GPAT4: variants seen among roughly 807,000 people sequenced by gnomAD.
The protein encoded by GPAT4 is glycerol-3-phosphate acyltransferase 4.
Under a neutral mutation model 58.0 loss-of-function variants are expected in GPAT4, and 17 were observed. That is an observed-to-expected ratio of 0.29 (90% CI 0.20 to 0.44). The LOEUF is 0.44. Among genes scored for constraint, GPAT4 ranks in the 20% least tolerant of loss-of-function variants. The probability of loss-of-function intolerance (pLI) is 1.00; values close to 1 mark genes in which losing one functional copy is unlikely to be tolerated. For synonymous variants in GPAT4, 204 were observed against 210.1 expected, an observed-to-expected ratio of 0.97 and a Z score of 0.25; for missense variants, 377 against 574.5, an observed-to-expected ratio of 0.66 and a Z score of 3.51.
chr8:41,617,205 T>A (rs1803620762), intron 10 of GPAT4, among the ~76,000 whole-genome samples: 1 of 151,948 alleles, frequency 6.6e-6, no homozygotes, highest in African/African-American at 2.4e-5. Flanking sequence ...CTACTAAAAA[T>A]ACAAAAAAAT....
At chr8:41,586,394 G>T (rs1016458437) in intron 1 of GPAT4, among the ~76,000 whole-genome samples, 16 of 152,046 alleles carry the variant, frequency 1.1e-4, no homozygotes, top group African/African-American at 7.2e-5. Flanking sequence ...CAATTTTTTT[G>T]GTGTAGACAG....
At chr8:41,596,996 A>G (rs1357203220) in intron 1 of GPAT4, among the ~76,000 whole-genome samples, 1 of 152,216 alleles carries the variant, frequency 6.6e-6, no homozygotes. Flanking sequence ...ACCGGTAATC[A>G]GAATGGAACA....
chr8:41,607,387 A>G (rs2150499063), intron 2 of GPAT4, among the ~76,000 whole-genome samples: 1 of 152,310 alleles, frequency 6.6e-6, no homozygotes, highest in East Asian at 1.9e-4. Context: ...TCCCTTTCCC[A>G]TGATCACAGA....
At chr8:41,604,433 G>C (rs970332652) in intron 2 of GPAT4, among the ~76,000 whole-genome samples, 1 of 152,220 alleles carries the variant, frequency 6.6e-6, no homozygotes, top group Non-Finnish European at 1.5e-5. Flanking sequence ...TCCTGTTCAT[G>C]CTGAGTCACA....
chr8:41,579,664 C>A (rs962256374), intron 1 of GPAT4, among the ~76,000 whole-genome samples: 3 of 152,000 alleles, frequency 2.0e-5, no homozygotes, highest in Non-Finnish European at 4.4e-5. Flanking sequence ...ATGGTGAAAC[C>A]CTGCATATAC....
chr8:41,600,031 C>CTTTTTTTTTTTTTTTTTT (rs1563273268), intron 2 of GPAT4, among the ~76,000 whole-genome samples: 1 of 75,446 alleles, frequency 1.3e-5, no homozygotes, highest in African/African-American at 5.6e-5. Flanking sequence ...TTATCTTTTT[C>CTTTTTTTTTTTTTTTTTT]TTTTCTTTTT....
In GPAT4 at chr8:41,623,200, AC is replaced by A. The variant is rs1803807781; in HGVS notation, c.*2201del. The A allele has an allele frequency of 6.6e-6, 1 of 150,736 alleles. No homozygotes were observed. The highest frequency in any genetic ancestry group is 2.5e-5 in the African/African-American group (1 of 40,806). 9.3% of individuals were successfully genotyped at this position (150,736 alleles called of 1,614,324 possible). A position where few individuals can be genotyped will look rare whatever the true frequency, so the allele number is the denominator to read the frequency against. On this transcript the variant is annotated 3_prime_UTR_variant, in exon 13 of 13. Transcript: ENST00000396987. ...ACTGATTCACGCCTGCAGAAACGTA[AC>A]CTCCCCTTTCCGTGTATGCCTTTTA...
chr8:41,590,540 C>T (rs1802762644), intron 1 of GPAT4, among the ~76,000 whole-genome samples: 1 of 152,148 alleles, frequency 6.6e-6, no homozygotes, highest in Admixed American at 6.5e-5. Flanking sequence ...GTGTCCTCAC[C>T]TGTAGATCAG....
intron 1 of GPAT4, among the ~76,000 whole-genome samples, chr8:41,583,082 C>A (rs769665068): frequency 6.6e-6 from 1 of 151,956 alleles, no homozygotes; most frequent in Non-Finnish European, 1.5e-5. Context: ...AAAAACTAGC[C>A]GGCTGTGGTG....
chr8:41,596,535 T>G (rs1421528702), intron 1 of GPAT4, among the ~76,000 whole-genome samples: 1 of 152,222 alleles, frequency 6.6e-6, no homozygotes, highest in Non-Finnish European at 1.5e-5. Context: ...AAGTGCCAGT[T>G]CCTTCCCGGT....
At position 41,609,492 on chromosome 8, in the gene GPAT4, T is replaced by C; in HGVS notation, c.235+7T>C. The stretch of plus-strand genomic sequence containing the variant: ...TACAAGCCCTACACCAACGGTAAGA[T>C]GGGGGTGTGATCCTTGTCCTGAGAG... On this transcript the variant is annotated splice_region_variant and intron_variant, in intron 3 of 12. Transcript: ENST00000396987. 2 of 1,613,994 alleles carry C rather than the reference T, an allele frequency of 1.2e-6. No individual in the cohort carries two copies. Among genetic ancestry groups the C allele is most frequent in the Non-Finnish European group, 1.7e-6 (2 of 1,179,872 alleles).
chr8:41,623,161 G>A lies in GPAT4; in HGVS notation c.*2160G>A, dbSNP rs1399864737. ...TGGAGGGAAGTCCTGTGCGGGCCGG[G>A]CAGTGAGGAGAGCACTGATTCACGC... is the stretch of plus-strand genomic sequence containing the variant. On this transcript the variant is annotated 3_prime_UTR_variant, in exon 13 of 13. Coordinates refer to ENST00000396987, the MANE Select transcript of GPAT4 (RefSeq NM_178819.4). 1 of 152,238 alleles carries A rather than the reference G, an allele frequency of 6.6e-6. No homozygotes were observed. Among genetic ancestry groups the A allele is most frequent in the African/African-American group, 2.4e-5 (1 of 41,442 alleles). The allele number at this position is 152,238 out of a possible 1,614,324, so 9.4% of individuals were successfully genotyped here. A position where few individuals can be genotyped will look rare whatever the true frequency, so the allele number is the denominator to read the frequency against.
chr8:41,578,662 T>C (rs1802429316), intron 1 of GPAT4: 1 of 152,316 alleles, frequency 6.6e-6, no homozygotes, highest in Non-Finnish European at 1.5e-5. Context: ...GGAAGCGCCT[T>C]CCCCTGTCAT....
intron 2 of GPAT4, among the ~76,000 whole-genome samples, chr8:41,605,547 TTTGTTTG>T (rs1385830470): frequency 1.7e-3 from 2 of 1,162 alleles, no homozygotes; most frequent in Non-Finnish European, 2.4e-3. Flanking sequence ...AAGGTTGTGT[TTTGTTTG>T]TTTGTTTGTT....
At chr8:41,588,023 A>C (rs542367936) in intron 1 of GPAT4, among the ~76,000 whole-genome samples, 13 of 152,132 alleles carry the variant, frequency 8.5e-5, no homozygotes, top group Non-Finnish European at 1.8e-4. Flanking sequence ...CTTGCTAGGC[A>C]AGTTGTGTTT....
At chr8:41,603,839 C>T (rs1426530487) in intron 2 of GPAT4, among the ~76,000 whole-genome samples, 1 of 152,172 alleles carries the variant, frequency 6.6e-6, no homozygotes, top group African/African-American at 2.4e-5. Context: ...AAGGCCAGCA[C>T]CAGCCACCCC....
chr8:41,597,586 G>A (rs1388143273), intron 1 of GPAT4, among the ~76,000 whole-genome samples: 1 of 152,070 alleles, frequency 6.6e-6, no homozygotes. Context: ...TATTTGCTAA[G>A]CACATTTTGT....
Position 41,609,738 on chromosome 8 carries a change from A to C in GPAT4, c.319A>C (p.Thr107Pro). 1 of 1,613,914 alleles carries C rather than the reference A, an allele frequency of 6.2e-7. No individual in the cohort carries two copies. The highest frequency in any genetic ancestry group is 8.5e-7 in the Non-Finnish European group (1 of 1,179,962). ...TGGTAGTAGTAAGGCTCTGGACAAC[A>C]CTCCAGAGTTCGAGCTCTCTGACAT... The part of the protein sequence containing the change: ...RSGSSKALDN[T>P]PEFELSDIFY... The change falls in exon 4 of 13, where the codon ACT becomes CCT. Residue 107 changes from threonine (T) to proline (P), a missense_variant. Thr to Pro is a conservative substitution (Grantham distance 38). Coordinates refer to ENST00000396987, the MANE Select transcript of GPAT4 (RefSeq NM_178819.4).
chr8:41,594,746 CGT>C (rs1426218087), intron 1 of GPAT4, among the ~76,000 whole-genome samples: 1 of 152,018 alleles, frequency 6.6e-6, no homozygotes, highest in Non-Finnish European at 1.5e-5. Context: ...GGGGTTTCAC[CGT>C]GTTAGCCAGG....
Sources: gnomAD v4.1 joint callset for allele counts (sites outside exome capture counted in the v4.1 genomes callset) on GRCh38, gnomAD v4.1.1 for gene constraint, MANE v1.5 for transcripts, NCBI Gene and HGNC (gene_info 2026-07-23, HGNC 2026-07-21) for gene names.